MYO5C: variants seen among roughly 807,000 people sequenced by gnomAD.
The protein encoded by MYO5C is myosin VC.
In MYO5C, 194 loss-of-function variants were observed where a neutral mutation model predicts 235.7. That is an observed-to-expected ratio of 0.82 (90% CI 0.73 to 0.93). MYO5C has a LOEUF of 0.93. Among genes scored for constraint, MYO5C ranks in the 40% least tolerant of loss-of-function variants. The pLI, the probability that MYO5C is intolerant of heterozygous loss-of-function variation, is 0.00. For synonymous variants in MYO5C, 707 were observed against 754.8 expected (o/e 0.94, Z 1.04); for missense variants, 2,038 against 2,127.2 (o/e 0.96, Z 0.82).
chr15:52,286,998 A>G (rs1443074315), intron 1 of MYO5C, among the ~76,000 whole-genome samples: 2 of 151,960 alleles, frequency 1.3e-5, no homozygotes, highest in East Asian at 1.9e-4. Context: ...CAAACAAACA[A>G]ACAAAGTTCA....
In MYO5C at chr15:52,244,503, A is replaced by G; in HGVS notation, c.2243T>C (p.Leu748Ser). The change falls in exon 19 of 41, where the codon TTA becomes TCA. Residue 748 changes from leucine (L) to serine (S), a missense_variant. Transcript: ENST00000261839. Reference sequence around the variant, plus strand: ...CAGTTTATCCAATCGAAGTTTCTCTAAATAAGCCACTTGTCCTGCTCTGAA... The same window carrying G: ...CAGTTTATCCAATCGAAGTTTCTCTGAATAAGCCACTTGTCCTGCTCTGAA... Reference protein sequence around the residue: ...IFFRAGQVAYLEKLRLDKLRQ... With the variant: ...IFFRAGQVAYSEKLRLDKLRQ... 1 of 1,614,176 alleles carries G rather than the reference A, an allele frequency of 6.2e-7. No individual in the cohort carries two copies. Among genetic ancestry groups the G allele is most frequent in the Non-Finnish European group, 8.5e-7 (1 of 1,180,042 alleles).
At chr15:52,271,689 A>T (rs958688093) in intron 7 of MYO5C, 74 bp downstream of exon 7, 19 of 830,960 alleles carry the variant, frequency 2.3e-5, no homozygotes, top group Non-Finnish European at 3.2e-5. Context: ...ATATATTACT[A>T]TAAGAAGAAA....
At chr15:52,224,051 G>A (rs1053629447) in intron 28 of MYO5C, among the ~76,000 whole-genome samples, 8 of 152,202 alleles carry the variant, frequency 5.3e-5, no homozygotes, top group African/African-American at 1.9e-4. Flanking sequence ...GGGAGGCCGA[G>A]GTGGGCGGAT....
intron 1 of MYO5C, among the ~76,000 whole-genome samples, chr15:52,285,999 C>G (rs542246800): frequency 6.6e-6 from 1 of 152,112 alleles, no homozygotes; most frequent in African/African-American, 2.4e-5. Context: ...AGCGTCTCTG[C>G]CCAGCCGCCC....
rs1555422084 is a variant in MYO5C at position 52,291,738 on chromosome 15, T to TTTTTTTTGTTTTG, written c.27+3871_27+3872insCAAAACAAAAAAA. Among the ~76,000 whole-genome samples the TTTTTTTTGTTTTG allele has an allele frequency of 2.9e-3, 231 of 80,262 alleles. 8 individuals carry two copies. Among genetic ancestry groups the TTTTTTTTGTTTTG allele is most frequent in the African/African-American group, 8.9e-3 (207 of 23,348 alleles). The allele number at this position is 80,262 out of a possible 152,430, so 52.7% of individuals were successfully genotyped here. On this transcript the variant is annotated intron_variant, in intron 1 of 40. Coordinates refer to ENST00000261839, the MANE Select transcript of MYO5C (RefSeq NM_018728.4). ...TTTGTTTGCATATTTTATGTTTTTTTTTTTTTTTTTTTTTTTTTGAGACAG... is the reference window on the plus strand; with the variant it reads ...TTTGTTTGCATATTTTATGTTTTTTTTTTTTTTGTTTTGTTTTTTTTTTTTTTTTTTGAGACAG...
At chr15:52,232,783 G>T in intron 23 of MYO5C, 98 bp from the exon 24 acceptor site, 1 of 1,068,110 alleles carries the variant, frequency 9.4e-7, no homozygotes. Flanking sequence ...GGACAATCAT[G>T]TGATGTTTAT....
intron 5 of MYO5C, among the ~76,000 whole-genome samples, chr15:52,274,675 C>CCCG (rs1555420138): frequency 6.7e-6 from 1 of 148,162 alleles, no homozygotes; most frequent in Non-Finnish European, 1.5e-5. Context: ...TTAGTACCCC[C>CCCG]CCCCCGACAT....
chr15:52,218,475 C>CTGCA, intron 32 of MYO5C, 44 bp downstream of exon 32: 1 of 1,594,254 alleles, frequency 6.3e-7, no homozygotes, highest in Non-Finnish European at 8.6e-7. Context: ...TCAGCAACAT[C>CTGCA]TGCACACAGA....
At chr15:52,194,569 G>A (rs1160171922) in intron 40 of MYO5C, among the ~76,000 whole-genome samples, 1 of 152,006 alleles carries the variant, frequency 6.6e-6, no homozygotes, top group Non-Finnish European at 1.5e-5. Context: ...TGCCATATTA[G>A]TAATTAAAAT....
At chr15:52,270,979 G>A (rs1394528500) in intron 7 of MYO5C, among the ~76,000 whole-genome samples, 2 of 152,114 alleles carry the variant, frequency 1.3e-5, no homozygotes, top group African/African-American at 4.8e-5. Context: ...GGGGCTCGGG[G>A]CCTTTTGTAC....
Position 52,211,745 on chromosome 15 carries a change from G to A in MYO5C, c.4281C>T (p.Ile1427=), listed in dbSNP as rs1341352198. 2.5e-6 allele frequency: 4 copies of A among 1,613,906 alleles called. No homozygotes were observed. Among genetic ancestry groups the A allele is most frequent in the Non-Finnish European group, 8.5e-7 (1 of 1,179,858 alleles). ...CATTTCCTACCTTAACCACCTGCTT[G>A]ATGCCATTAATGGTGCTGTTCATGA... ...KSLMNSTING[I]KQVVKEHLED... The change falls in exon 35 of 41, where the codon ATC becomes ATT. Residue 1427 remains isoleucine, a synonymous_variant. Coordinates refer to ENST00000261839, the MANE Select transcript of MYO5C (RefSeq NM_018728.4).
intron 32 of MYO5C, among the ~76,000 whole-genome samples, chr15:52,216,645 A>G (rs1353307757): frequency 2.1e-5 from 3 of 141,850 alleles, no homozygotes; most frequent in African/African-American, 7.5e-5. Flanking sequence ...AAGAGTCTGG[A>G]AAAAAAAAAG....
At chr15:52,268,800 T>C (rs997303797) in intron 8 of MYO5C, among the ~76,000 whole-genome samples, 1 of 152,198 alleles carries the variant, frequency 6.6e-6, no homozygotes, top group Non-Finnish European at 1.5e-5. Flanking sequence ...TGTGCCGGCA[T>C]CTGAGCAATA....
Position 52,239,802 on chromosome 15 carries a change from G to T in MYO5C, c.2634C>A (p.Ile878=). ...AWLARRRFQS[I]RRFVLNIQLT... ...GCTGAATATTAAGCACGAATCGTCG[G>T]ATACTCTGGAATCTGCGTCTGGCCA... The change falls in exon 21 of 41, where the codon ATC becomes ATA. Residue 878 remains isoleucine (I), a synonymous_variant. Coordinates refer to ENST00000261839, the MANE Select transcript of MYO5C (RefSeq NM_018728.4). 1 of 1,613,752 alleles carries T rather than the reference G, an allele frequency of 6.2e-7. No individual in the cohort carries two copies. The highest frequency in any genetic ancestry group is 8.5e-7 in the Non-Finnish European group (1 of 1,179,840).
rs774601490 is a variant in MYO5C, at chr15:52,195,385, T to G, written c.5068A>C (p.Lys1690Gln). 1 of 1,611,326 alleles carries G rather than the reference T, an allele frequency of 6.2e-7. No homozygotes were observed. Among genetic ancestry groups the G allele is most frequent in the South Asian group, 1.1e-5 (1 of 90,792 alleles). Residue 1690 changes from lysine to glutamine, a missense_variant, in exon 40 of 41, where the codon AAA (lysine) becomes CAA (glutamine). Transcript: ENST00000261839. ...ATCCTTAAGAATCTCACCTGTACTTTGCGAACAAAGGATGGAGTCACTCTC... is the reference window on the plus strand; with the variant it reads ...ATCCTTAAGAATCTCACCTGTACTTGGCGAACAAAGGATGGAGTCACTCTC... ...EKRVTPSFVR[K>Q]VQALLNSRED...
At chr15:52,286,950 G>A (rs1237098750) in intron 1 of MYO5C, among the ~76,000 whole-genome samples, 136 of 106,556 alleles carry the variant, frequency 1.3e-3, no homozygotes, top group Middle Eastern at 4.5e-3. Context: ...AAAAAAAAAA[G>A]AAAAAAGAAA....
intron 7 of MYO5C, among the ~76,000 whole-genome samples, chr15:52,271,204 C>A (rs1208382035): frequency 1.3e-5 from 2 of 151,580 alleles, no homozygotes; most frequent in Non-Finnish European, 2.9e-5. Flanking sequence ...GTGGTTCTAG[C>A]TGGAGGACCA....
chr15:52,254,436 A>G (rs2036539781), intron 11 of MYO5C, among the ~76,000 whole-genome samples: 1 of 152,182 alleles, frequency 6.6e-6, no homozygotes, highest in Non-Finnish European at 1.5e-5. Context: ...CGTGGAGGGT[A>G]AGCGGGCTGA....
chr15:52,207,141 A>G (rs972330747), intron 36 of MYO5C, among the ~76,000 whole-genome samples: 1 of 151,966 alleles, frequency 6.6e-6, no homozygotes, highest in Non-Finnish European at 1.5e-5. Context: ...CTCAAAAAAG[A>G]AAAAGAAAAA....
Sources: gnomAD v4.1 joint callset for allele counts (sites outside exome capture counted in the v4.1 genomes callset) on GRCh38, gnomAD v4.1.1 for gene constraint, MANE v1.5 for transcripts, NCBI Gene and HGNC (gene_info 2026-07-23, HGNC 2026-07-21) for gene names.